SAMD3: variants seen among roughly 807,000 people sequenced by gnomAD.
SAMD3 encodes sterile alpha motif domain containing 3.
In SAMD3, 63 loss-of-function variants were observed where a neutral mutation model predicts 58.5. That is an observed-to-expected ratio of 1.08 (90% CI 0.88 to 1.33). The LOEUF is 1.33. Among genes scored for constraint, SAMD3 ranks in the 40% most tolerant of loss-of-function variants. The pLI is 0.00. For synonymous variants in SAMD3, 220 were observed against 210.3 expected, an observed-to-expected ratio of 1.05 and a Z score of -0.40; for missense variants, 604 against 608.4, an observed-to-expected ratio of 0.99 and a Z score of 0.08.
chr6:130,288,820 G>T (rs1052871738), intron 2 of SAMD3, among the ~76,000 whole-genome samples: 1 of 152,192 alleles, frequency 6.6e-6, no homozygotes, highest in African/African-American at 2.4e-5. Flanking sequence ...AGAGCTAAAG[G>T]TTGGTGATTA....
chr6:130,167,878 A>G (rs1261132668), intron 8 of SAMD3, among the ~76,000 whole-genome samples: 1 of 152,234 alleles, frequency 6.6e-6, no homozygotes, highest in Non-Finnish European at 1.5e-5. Context: ...TCTGACAAGC[A>G]AAGCTATATA....
intron 7 of SAMD3, among the ~76,000 whole-genome samples, chr6:130,180,114 CT>C (rs543131613): frequency 2.5e-4 from 38 of 149,698 alleles, no homozygotes; most frequent in African/African-American, 7.9e-4. Flanking sequence ...CGTACACGAC[CT>C]TTTTTTTTAT....
chr6:130,195,573 C>A (rs1174470075), intron 5 of SAMD3, among the ~76,000 whole-genome samples: 2 of 152,170 alleles, frequency 1.3e-5, no homozygotes, highest in East Asian at 3.9e-4. Flanking sequence ...ACCCATTATT[C>A]TGTTCTAGAT....
At chr6:130,313,276 G>T (rs889462679) in intron 1 of SAMD3, among the ~76,000 whole-genome samples, 1 of 152,114 alleles carries the variant, frequency 6.6e-6, no homozygotes, top group East Asian at 1.9e-4. Flanking sequence ...TTTTGTGCTG[G>T]GTAATTTGTT....
chr6:130,178,455 A>T (rs1338448071), intron 7 of SAMD3, among the ~76,000 whole-genome samples: 1 of 152,096 alleles, frequency 6.6e-6, no homozygotes, highest in Non-Finnish European at 1.5e-5. Context: ...GAAAGTGGTA[A>T]GTCGCCAAAT....
chr6:130,357,783 T>C (rs1476275372), intron 1 of SAMD3, among the ~76,000 whole-genome samples: 1 of 152,262 alleles, frequency 6.6e-6, no homozygotes, highest in Admixed American at 6.5e-5. Flanking sequence ...TGCTGCTACC[T>C]GACACACTTT....
At chr6:130,203,028 A>G (rs757760224) in intron 5 of SAMD3, among the ~76,000 whole-genome samples, 11 of 152,194 alleles carry the variant, frequency 7.2e-5, no homozygotes, top group Non-Finnish European at 1.3e-4. Context: ...CTACAGCAAC[A>G]ACCGACTGGT....
At chr6:130,223,346 A>T (rs185255819), upstream of SAMD3, among the ~76,000 whole-genome samples, 215 of 152,332 alleles carry the variant, frequency 1.4e-3, 1 homozygote, top group Non-Finnish European at 2.6e-3. Context: ...TTTAGCAGAC[A>T]TTGGCTGAAT....
At chr6:130,171,150 C>T (rs1006391533) in intron 8 of SAMD3, among the ~76,000 whole-genome samples, 4 of 152,004 alleles carry the variant, frequency 2.6e-5, no homozygotes, top group East Asian at 1.9e-4. Context: ...TAGCATCAAG[C>T]GATGTTGAAT....
At chr6:130,347,275 C>T (rs531446485) in intron 1 of SAMD3, among the ~76,000 whole-genome samples, 46 of 152,184 alleles carry the variant, frequency 3.0e-4, no homozygotes, top group African/African-American at 1.1e-3. Context: ...GATCAAACTA[C>T]TCCAAGCTAA....
rs149341132 is a variant in SAMD3, at chr6:130,249,722, C to G, written c.-187-26909G>C. On this transcript the variant is annotated intron_variant, in intron 2 of 13. Coordinates refer to the SAMD3 transcript ENST00000368134. ...CTAGTAAGCAATGAGCTATGGGACA[C>G]AAAGAATGGTAGGTTTGAAGGCACC... Among the ~76,000 whole-genome samples the G allele has an allele frequency of 5.4e-3, 816 of 152,148 alleles. 2 individuals are homozygous for G. The highest frequency in any genetic ancestry group is 9.0e-3 in the Non-Finnish European group (609 of 67,988).
intron 1 of SAMD3, among the ~76,000 whole-genome samples, chr6:130,357,797 A>G (rs1777878635): frequency 6.6e-6 from 1 of 152,238 alleles, no homozygotes; most frequent in South Asian, 2.1e-4. Context: ...ACACTTTATT[A>G]AACACTGTAA....
rs145128269 is a variant in SAMD3 at position 130,183,191 on chromosome 6, A to G, written c.654+912T>C. ...ATAATCCCATCCTCAAATTAATTCAATCTGAATCTCTAGGAATCCTAATGT... is the reference window on the plus strand; with the variant it reads ...ATAATCCCATCCTCAAATTAATTCAGTCTGAATCTCTAGGAATCCTAATGT... On this transcript the variant is annotated intron_variant, in intron 7 of 11. Coordinates refer to ENST00000439090, the MANE Select transcript of SAMD3 (RefSeq NM_001017373.4). The G allele has an allele frequency of 9.3e-3, 3,339 of 358,800 alleles. 37 individuals are homozygous for G. Among genetic ancestry groups the G allele is most frequent in the Non-Finnish European group, 0.011 (2,099 of 185,982 alleles). The allele number at this position is 358,800 out of a possible 1,614,324, so 22.2% of individuals were successfully genotyped here. A position where few individuals can be genotyped will look rare whatever the true frequency, so the allele number is the denominator to read the frequency against.
At chr6:130,265,181 C>A (rs754984115) in intron 2 of SAMD3, among the ~76,000 whole-genome samples, 1 of 152,182 alleles carries the variant, frequency 6.6e-6, no homozygotes, top group African/African-American at 2.4e-5. Context: ...CCCTAAACCC[C>A]GCCACCTTGC....
intron 2 of SAMD3, among the ~76,000 whole-genome samples, chr6:130,308,383 CT>C (rs1198086228): frequency 1.1e-4 from 15 of 140,376 alleles, no homozygotes; most frequent in African/African-American, 3.8e-4. Flanking sequence ...CTATTCTATT[CT>C]ATTCTATTCT....
At chr6:130,229,251 A>T (rs1323104283) in intron 2 of SAMD3, among the ~76,000 whole-genome samples, 1 of 152,204 alleles carries the variant, frequency 6.6e-6, no homozygotes, top group Non-Finnish European at 1.5e-5. Flanking sequence ...GGGACAGTGG[A>T]TATTTTGATA....
intron 2 of SAMD3, among the ~76,000 whole-genome samples, chr6:130,231,821 T>C (rs1400880628): frequency 4.0e-5 from 6 of 151,858 alleles, no homozygotes; most frequent in South Asian, 4.2e-4. Flanking sequence ...TGTTTTTTTT[T>C]CCCACACTGT....
At chr6:130,199,952 A>C (rs1433899097) in intron 5 of SAMD3, among the ~76,000 whole-genome samples, 2 of 152,180 alleles carry the variant, frequency 1.3e-5, no homozygotes. Context: ...CCTATAATCA[A>C]GCACAAAGAA....
At chr6:130,186,971 C>T (rs1793053727) in intron 5 of SAMD3, among the ~76,000 whole-genome samples, 1 of 151,826 alleles carries the variant, frequency 6.6e-6, no homozygotes, top group Non-Finnish European at 1.5e-5. Context: ...AGTGTTTCAC[C>T]ATGTTGGCCA....
Sources: gnomAD v4.1 joint callset for allele counts (sites outside exome capture counted in the v4.1 genomes callset) on GRCh38, gnomAD v4.1.1 for gene constraint, MANE v1.5 for transcripts, NCBI Gene and HGNC (gene_info 2026-07-23, HGNC 2026-07-21) for gene names.